The following GRIN2B variants were observed in gnomAD, a reference collection of about 807,000 sequenced individuals.
GRIN2B encodes the protein glutamate ionotropic receptor NMDA type subunit 2B.
In GRIN2B, 5 loss-of-function variants were observed where a neutral mutation model predicts 114.5. The ratio of observed to expected loss-of-function variants is 0.04; its 90% CI spans 0.02 to 0.09. GRIN2B has a LOEUF of 0.09. GRIN2B is among the 10% of genes least tolerant of loss of function. The probability of loss-of-function intolerance (pLI) is 1.00; values close to 1 mark genes in which losing one functional copy is unlikely to be tolerated. For synonymous variants in GRIN2B, 787 were observed against 745.1 expected (o/e 1.06, Z -0.92); for missense variants, 1,108 against 1,943.5 (o/e 0.57, Z 8.08).
At chr12:13,737,828 CTCT>C (rs930806617) in intron 4 of GRIN2B, among the ~76,000 whole-genome samples, 3 of 152,214 alleles carry the variant, frequency 2.0e-5, no homozygotes, top group African/African-American at 7.2e-5. Flanking sequence ...TTTCTTTCTC[CTCT>C]TCTTCTTATT....
intron 2 of GRIN2B, among the ~76,000 whole-genome samples, chr12:13,912,842 G>A (rs7972390): frequency 0.032 from 4,921 of 152,182 alleles, 288 homozygotes; most frequent in African/African-American, 0.11. Flanking sequence ...CCAGAGGCAG[G>A]AAGGTAAGAG....
Position 13,778,605 on chromosome 12 carries a change from CCTTAT to C in GRIN2B, c.412-24695_412-24691del, listed in dbSNP as rs375013866. On this transcript the variant is annotated intron_variant, in intron 3 of 13. Coordinates refer to ENST00000609686, the MANE Select transcript of GRIN2B (RefSeq NM_000834.5). Reference sequence around the variant, plus strand: ...CATTTACTAACTAGTATAGAGAGTTCCTTATCTTAACAACTGCACAACCACATGAG... The same window carrying C: ...CATTTACTAACTAGTATAGAGAGTTCCTTAACAACTGCACAACCACATGAG... Among the ~76,000 whole-genome samples, 199 of 152,290 alleles carry C rather than the reference CCTTAT, an allele frequency of 1.3e-3. 5 individuals are homozygous for C. The highest frequency in any genetic ancestry group is 4.3e-3 in the African/African-American group (178 of 41,562).
intron 3 of GRIN2B, among the ~76,000 whole-genome samples, chr12:13,770,591 C>T (rs181837447): frequency 6.6e-6 from 1 of 152,242 alleles, no homozygotes; most frequent in Admixed American, 6.5e-5. Context: ...CAATTTAGCC[C>T]TTGGTATTAG....
At chr12:13,682,087 T>C (rs1454300018) in intron 4 of GRIN2B, among the ~76,000 whole-genome samples, 2 of 152,202 alleles carry the variant, frequency 1.3e-5, no homozygotes, top group Non-Finnish European at 2.9e-5. Flanking sequence ...TTCAGTGTTC[T>C]AGTTTAGATA....
intron 4 of GRIN2B, among the ~76,000 whole-genome samples, chr12:13,708,747 T>C (rs1015700638): frequency 6.6e-6 from 1 of 152,084 alleles, no homozygotes; most frequent in Non-Finnish European, 1.5e-5. Context: ...AGGTGACAGG[T>C]ATCGGTAATT....
chr12:13,611,274 T>A (rs933095809), intron 9 of GRIN2B, among the ~76,000 whole-genome samples: 1 of 152,218 alleles, frequency 6.6e-6, no homozygotes, highest in Non-Finnish European at 1.5e-5. Context: ...ACCTCAGTTG[T>A]GATCCTTTGG....
At chr12:13,910,465 G>A (rs1866610775) in intron 2 of GRIN2B, among the ~76,000 whole-genome samples, 1 of 152,108 alleles carries the variant, frequency 6.6e-6, no homozygotes, top group African/African-American at 2.4e-5. Context: ...TTTCTCTCTG[G>A]TTTCAAAGAA....
At chr12:13,847,503 A>T (rs1865490052) in intron 3 of GRIN2B, among the ~76,000 whole-genome samples, 1 of 152,196 alleles carries the variant, frequency 6.6e-6, no homozygotes, top group Non-Finnish European at 1.5e-5. Context: ...AACTAATGCC[A>T]GGTCCAAAGG....
chr12:13,922,052 G>A (rs190985899), intron 2 of GRIN2B, among the ~76,000 whole-genome samples: 28 of 152,286 alleles, frequency 1.8e-4, no homozygotes, highest in Non-Finnish European at 3.7e-4. Flanking sequence ...GGGTTGGAAC[G>A]AAGGTTTGAG....
intron 2 of GRIN2B, among the ~76,000 whole-genome samples, chr12:13,927,924 A>G (rs1565589800): frequency 7.2e-6 from 1 of 139,718 alleles, no homozygotes; most frequent in East Asian, 2.3e-4. Flanking sequence ...CTGTGATCCC[A>G]CCACTGCACT....
At chr12:13,815,326 A>T (rs980235628) in intron 3 of GRIN2B, among the ~76,000 whole-genome samples, 1 of 152,100 alleles carries the variant, frequency 6.6e-6, no homozygotes, top group Non-Finnish European at 1.5e-5. Context: ...AACCTCTGAG[A>T]GTATGTTTCA....
At chr12:13,783,366 T>A (rs1864155705) in intron 3 of GRIN2B, among the ~76,000 whole-genome samples, 1 of 152,172 alleles carries the variant, frequency 6.6e-6, no homozygotes, top group Non-Finnish European at 1.5e-5. Flanking sequence ...GGATTCCCTA[T>A]GTAATGAGTT....
chr12:13,750,509 T>A (rs1196961710), intron 4 of GRIN2B, among the ~76,000 whole-genome samples: 1 of 152,234 alleles, frequency 6.6e-6, no homozygotes, highest in Admixed American at 6.5e-5. Context: ...AACATTCACT[T>A]GATTTCTTCG....
At chr12:13,951,377 C>G (rs1867476115) in intron 2 of GRIN2B, among the ~76,000 whole-genome samples, 2 of 152,106 alleles carry the variant, frequency 1.3e-5, no homozygotes, top group Non-Finnish European at 2.9e-5. Context: ...GCATTCATTC[C>G]AGGGAAGGAT....
intron 2 of GRIN2B, among the ~76,000 whole-genome samples, chr12:13,924,450 G>A (rs565611971): frequency 6.6e-6 from 1 of 152,264 alleles, no homozygotes; most frequent in Non-Finnish European, 1.5e-5. Context: ...AGCAGGAGCT[G>A]GACGTGTATG....
chr12:13,641,403 C>T (rs1949714422), intron 5 of GRIN2B, among the ~76,000 whole-genome samples: 2 of 152,002 alleles, frequency 1.3e-5, no homozygotes. Context: ...TCATGGTAAC[C>T]CATGTATCTT....
At chr12:13,889,279 G>A (rs948496158) in intron 2 of GRIN2B, among the ~76,000 whole-genome samples, 6 of 152,128 alleles carry the variant, frequency 3.9e-5, no homozygotes, top group East Asian at 1.9e-4. Context: ...CATTGTACAC[G>A]TGGTCCATCA....
At chr12:13,794,637 C>T (rs752912214) in intron 3 of GRIN2B, among the ~76,000 whole-genome samples, 13 of 152,222 alleles carry the variant, frequency 8.5e-5, no homozygotes, top group Non-Finnish European at 1.8e-4. Context: ...CATCATTTTT[C>T]TCATGTTCAA....
intron 4 of GRIN2B, among the ~76,000 whole-genome samples, chr12:13,722,237 CA>C (rs768024909): frequency 2.7e-4 from 41 of 152,164 alleles, no homozygotes; most frequent in Admixed American, 9.8e-4. Flanking sequence ...TAGGCAAAAG[CA>C]GACGTGTGGT....
Sources: gnomAD v4.1 joint callset for allele counts (sites outside exome capture counted in the v4.1 genomes callset) on GRCh38, gnomAD v4.1.1 for gene constraint, MANE v1.5 for transcripts, NCBI Gene and HGNC (gene_info 2026-07-23, HGNC 2026-07-21) for gene names.